The following PCDH15 variants were observed in gnomAD, a reference collection of about 807,000 sequenced individuals.
PCDH15 encodes the protein protocadherin-15.
PCDH15 carries 129 observed loss-of-function variants against 178.5 expected under a neutral mutation model. The observed-to-expected ratio is 0.72, with a 90% CI of 0.63 to 0.84. The LOEUF (loss-of-function observed/expected upper bound fraction) is 0.84. Among genes scored for constraint, PCDH15 ranks in the 40% least tolerant of loss-of-function variants. The probability of loss-of-function intolerance (pLI) is 0.00; values close to 1 mark genes in which losing one functional copy is unlikely to be tolerated. For synonymous variants in PCDH15, 800 were observed against 732.0 expected, an observed-to-expected ratio of 1.09 and a Z score of -1.50; for missense variants, 2,230 against 2,099.9, an observed-to-expected ratio of 1.06 and a Z score of -1.21.
At chr10:55,047,992 C>G (rs1841055317) in intron 2 of PCDH15, among the ~76,000 whole-genome samples, 1 of 151,798 alleles carries the variant, frequency 6.6e-6, no homozygotes, top group Non-Finnish European at 1.5e-5. Flanking sequence ...AATGGCTTAT[C>G]AGTACTATGC....
chr10:53,972,267 C>T (rs1006114309), intron 21 of PCDH15, among the ~76,000 whole-genome samples: 1 of 90,698 alleles, frequency 1.1e-5, no homozygotes, highest in Non-Finnish European at 2.3e-5. Flanking sequence ...CCCTTCCTTA[C>T]ACCTTATACA....
At chr10:54,995,809 C>A (rs1258266352) in intron 2 of PCDH15, among the ~76,000 whole-genome samples, 1 of 151,932 alleles carries the variant, frequency 6.6e-6, no homozygotes, top group East Asian at 1.9e-4. Flanking sequence ...CCCCACCCAT[C>A]ATGACTGTCT....
At chr10:54,015,050 T>G (rs2092699333) in intron 20 of PCDH15, among the ~76,000 whole-genome samples, 1 of 152,078 alleles carries the variant, frequency 6.6e-6, no homozygotes, top group South Asian at 2.1e-4. Flanking sequence ...AATAAACAAC[T>G]TCAGCAAAGT....
At chr10:54,746,833 G>C (rs889395657) in intron 1 of PCDH15, among the ~76,000 whole-genome samples, 1 of 152,110 alleles carries the variant, frequency 6.6e-6, no homozygotes, top group Non-Finnish European at 1.5e-5. Context: ...AAAGTCCAGC[G>C]GACACCACGT....
At chr10:55,055,717 T>G (rs1284619973) in intron 2 of PCDH15, among the ~76,000 whole-genome samples, 1 of 151,980 alleles carries the variant, frequency 6.6e-6, no homozygotes, top group East Asian at 1.9e-4. Flanking sequence ...GCAGGAGAAT[T>G]GCTTGAACCC....
chr10:54,797,529 C>CACACAT (rs1426772379), intron 1 of PCDH15, among the ~76,000 whole-genome samples: 25 of 151,478 alleles, frequency 1.7e-4, no homozygotes, highest in Non-Finnish European at 2.5e-4. Flanking sequence ...CACACACACA[C>CACACAT]ACACACACAC....
In PCDH15 at chr10:54,195,800, T is replaced by G. The variant is rs753357043; in HGVS notation, c.1188A>C (p.Thr396=). 2.5e-6 allele frequency: 4 copies of G among 1,614,010 alleles called. No homozygotes were observed. In the South Asian group the frequency reaches 4.4e-5, roughly 18 times the overall value. The change falls in exon 11 of 38, where the codon ACA becomes ACC. Residue 396 remains threonine, a synonymous_variant. Coordinates refer to ENST00000644397, the MANE Select transcript of PCDH15 (RefSeq NM_001384140.1). ...LDENNQSPYF[T]MPSYQGYILE... ...GGATATAGCCTTGATAACTGGGCAT[T>G]GTAAAATATGGACTTTGATTGTTTT...
At chr10:55,186,245 T>A (rs1839796543) in intron 1 of PCDH15, among the ~76,000 whole-genome samples, 1 of 151,598 alleles carries the variant, frequency 6.6e-6, no homozygotes. Context: ...ATGTACTGGC[T>A]AATTATTAAT....
intron 1 of PCDH15, among the ~76,000 whole-genome samples, chr10:55,292,009 C>T (rs1289383597): frequency 6.6e-6 from 1 of 152,134 alleles, no homozygotes; most frequent in Non-Finnish European, 1.5e-5. Flanking sequence ...CATGGGAATT[C>T]AAGATAAGAT....
chr10:54,944,276 C>T (rs537275085), intron 2 of PCDH15, among the ~76,000 whole-genome samples: 1 of 151,978 alleles, frequency 6.6e-6, no homozygotes, highest in Non-Finnish European at 1.5e-5. Context: ...CAGCCTGCAT[C>T]TGACATTGAC....
At chr10:54,334,750 A>T (rs938274025) in intron 6 of PCDH15, among the ~76,000 whole-genome samples, 5 of 152,060 alleles carry the variant, frequency 3.3e-5, no homozygotes, top group African/African-American at 9.7e-5. Context: ...AAAGACAGAG[A>T]CTTAGTACAA....
chr10:54,874,222 G>GT (rs911709675), intron 3 of PCDH15, among the ~76,000 whole-genome samples: 2 of 127,626 alleles, frequency 1.6e-5, no homozygotes, highest in Non-Finnish European at 3.2e-5. Context: ...AATATGCGGT[G>GT]TTTGGTTTTT....
chr10:54,709,252 A>T lies in PCDH15; in HGVS notation c.-28-44962T>A, dbSNP rs76581197. Among the ~76,000 whole-genome samples, 472 of 149,394 alleles carry T rather than the reference A, an allele frequency of 3.2e-3. 5 individuals carry two copies. The highest frequency in any genetic ancestry group is 0.011 in the African/African-American group (447 of 40,162). On this transcript the variant is annotated intron_variant, in intron 1 of 37. Coordinates refer to ENST00000644397, the MANE Select transcript of PCDH15 (RefSeq NM_001384140.1). The stretch of plus-strand genomic sequence containing the variant: ...AGTATTTGAAACTTAATCACATCGT[A>T]TAGAAACAGAATTTTATACGTAAGT...
At chr10:54,867,711 C>T (rs2131789261) in intron 3 of PCDH15, among the ~76,000 whole-genome samples, 1 of 152,210 alleles carries the variant, frequency 6.6e-6, no homozygotes, top group Non-Finnish European at 1.5e-5. Context: ...ACTCTTTCTA[C>T]TCCTTCTTGA....
chr10:54,223,182 T>A lies in PCDH15; in HGVS notation c.986-9134A>T, dbSNP rs7915294. Among the ~76,000 whole-genome samples, 1,500 of 151,750 alleles carry A rather than the reference T, an allele frequency of 9.9e-3. 23 individuals are homozygous for A. The highest frequency in any genetic ancestry group is 0.032 in the African/African-American group (1,303 of 41,362). On this transcript the variant is annotated intron_variant, in intron 9 of 37. Transcript: ENST00000644397. ...GAGAATCAGCCAGGCATGGTGGCAC[T>A]TGCCTGTAATCTAGGTACTCGAGAG...
At chr10:55,331,679 G>A (rs555066957) in intron 2 of PCDH15, among the ~76,000 whole-genome samples, 21 of 152,100 alleles carry the variant, frequency 1.4e-4, no homozygotes, top group African/African-American at 4.1e-4. Context: ...AAGAAACTGC[G>A]GCTGTATATT....
intron 8 of PCDH15, among the ~76,000 whole-genome samples, chr10:54,244,476 G>T (rs1390775748): frequency 6.6e-6 from 1 of 152,108 alleles, no homozygotes; most frequent in African/African-American, 2.4e-5. Context: ...ACAAAATCTT[G>T]TTGGTAACAA....
At chr10:54,134,880 T>C (rs963431226) in intron 14 of PCDH15, among the ~76,000 whole-genome samples, 10 of 151,726 alleles carry the variant, frequency 6.6e-5, no homozygotes, top group South Asian at 2.1e-4. Context: ...TAGATACCAA[T>C]AGAATAGTAA....
chr10:55,394,430 A>C lies in PCDH15; in HGVS notation c.-155-227779T>G, dbSNP rs148200709. On this transcript the variant is annotated intron_variant, in intron 2 of 5. Transcript: ENST00000613346. ...TGAATTTCTAAGTGAGAAGGCTTTA[A>C]AGCAATAAGAACAAAACAAAAGCAA... Among the ~76,000 whole-genome samples, 517 of 152,076 alleles carry C rather than the reference A, an allele frequency of 3.4e-3. 2 individuals are homozygous for C. The highest frequency in any genetic ancestry group is 0.01 in the African/African-American group (419 of 41,514).
Sources: allele counts gnomAD v4.1 joint callset (sites outside exome capture counted in the v4.1 genomes callset), GRCh38; gene constraint gnomAD v4.1.1; transcripts MANE v1.5; gene names NCBI Gene and HGNC (gene_info 2026-07-23, HGNC 2026-07-21).